Variants in PTP4A1 observed in about 807,000 individuals in gnomAD.
The protein encoded by PTP4A1 is protein tyrosine phosphatase 4A1.
In PTP4A1, 9 loss-of-function variants were observed where a neutral mutation model predicts 20.5. The ratio of observed to expected loss-of-function variants is 0.44; its 90% CI spans 0.26 to 0.77. The LOEUF (loss-of-function observed/expected upper bound fraction) is 0.77, where lower values mean the gene tolerates loss of function less well. Among genes scored for constraint, PTP4A1 ranks in the 30% least tolerant of loss-of-function variants. The pLI is 0.19. For missense variants in PTP4A1, 137 were observed against 218.8 expected, an observed-to-expected ratio of 0.63 and a Z score of 2.36; for synonymous variants, 78 against 67.4, an observed-to-expected ratio of 1.16 and a Z score of -0.77.
Position 63,556,020 on chromosome 6 carries a change from T to C in PTP4A1, c.-446+5527T>C, listed in dbSNP as rs190238186. ...TTAAACTTTAATATTATTCAGCCTT[T>C]CTTTGGTATAACACAATAAAGACAA... On this transcript the variant is annotated intron_variant, in intron 3 of 3. Coordinates refer to the PTP4A1 transcript ENST00000639568. Among the ~76,000 whole-genome samples the C allele has an allele frequency of 6.0e-3, 910 of 152,208 alleles. 10 individuals are homozygous for C. The highest frequency in any genetic ancestry group is 0.026 in the South Asian group (125 of 4,822).
Position 63,549,792 on chromosome 6 carries a change from T to C in PTP4A1, c.-639-508T>C, listed in dbSNP as rs74937771. On this transcript the variant is annotated intron_variant, in intron 2 of 3. Transcript: ENST00000639568. Reference sequence around the variant, plus strand: ...TATAGAAGTAAAAAGTAGAACAGGGTATACTAGAGGCTTGGAAGGGTAGAG... The same window carrying C: ...TATAGAAGTAAAAAGTAGAACAGGGCATACTAGAGGCTTGGAAGGGTAGAG... 8.3e-4 allele frequency among the ~76,000 whole-genome samples: 126 copies of C among 151,692 alleles called. 3 individuals carry two copies. The East Asian group carries it at 0.024, about 28-fold the overall frequency.
intron 1 of PTP4A1, among the ~76,000 whole-genome samples, chr6:63,575,892 A>G (rs965638693): frequency 3.3e-5 from 5 of 152,080 alleles, no homozygotes; most frequent in Non-Finnish European, 7.4e-5. Context: ...AAAAGCATAA[A>G]GTTGGAAAAG....
At chr6:63,565,412 ATCGAT>A (rs1456334482) in intron 3 of PTP4A1, among the ~76,000 whole-genome samples, 1 of 152,154 alleles carries the variant, frequency 6.6e-6, no homozygotes, top group Non-Finnish European at 1.5e-5. Flanking sequence ...CATAATAGAG[ATCGAT>A]TCAAGAGAAT....
chr6:63,576,083 AATTATAT>A (rs1267647581), intron 1 of PTP4A1, among the ~76,000 whole-genome samples: 4 of 150,146 alleles, frequency 2.7e-5, no homozygotes, highest in Non-Finnish European at 5.9e-5. Context: ...AGAATCATAT[AATTATAT>A]ATTATATATA....
At chr6:63,549,843 G>T (rs968257715) in intron 2 of PTP4A1, among the ~76,000 whole-genome samples, 3 of 152,088 alleles carry the variant, frequency 2.0e-5, no homozygotes, top group Non-Finnish European at 4.4e-5. Context: ...GGAGAGATTT[G>T]TTAAAGAATA....
chr6:63,574,070 C>T (rs1018852229), intron 1 of PTP4A1, among the ~76,000 whole-genome samples: 2 of 152,144 alleles, frequency 1.3e-5, no homozygotes, highest in African/African-American at 4.8e-5. Flanking sequence ...GAACTGTTGA[C>T]CTGCCCGACA....
intron 3 of PTP4A1, among the ~76,000 whole-genome samples, chr6:63,562,903 G>A (rs1442919839): frequency 6.6e-6 from 1 of 152,154 alleles, no homozygotes; most frequent in Non-Finnish European, 1.5e-5. Context: ...TTTCATCAGT[G>A]TGCCTATACA....
At chr6:63,579,568 T>G (rs996469936) in intron 5 of PTP4A1, among the ~76,000 whole-genome samples, 1 of 152,248 alleles carries the variant, frequency 6.6e-6, no homozygotes, top group Non-Finnish European at 1.5e-5. Context: ...CTTGATTGAA[T>G]ATGTTGGTTA....
At chr6:63,517,864 C>T (rs1774787220), upstream of PTP4A1, among the ~76,000 whole-genome samples, 1 of 152,028 alleles carries the variant, frequency 6.6e-6, no homozygotes, top group Non-Finnish European at 1.5e-5. Flanking sequence ...CACATAAAAT[C>T]TCAGTAGGGC....
intron 2 of PTP4A1, among the ~76,000 whole-genome samples, chr6:63,541,979 C>T (rs927715386): frequency 6.6e-6 from 1 of 151,218 alleles, no homozygotes; most frequent in African/African-American, 2.4e-5. Context: ...ATAGAATTTC[C>T]TCCATGTTTT....
chr6:63,555,329 T>C (rs2149492380), intron 3 of PTP4A1, among the ~76,000 whole-genome samples: 1 of 152,338 alleles, frequency 6.6e-6, no homozygotes, highest in Non-Finnish European at 1.5e-5. Flanking sequence ...CCCTGGAAAT[T>C]AGAATATTTA....
intron 1 of PTP4A1, among the ~76,000 whole-genome samples, chr6:63,522,862 C>CTTTT (rs559181707): frequency 4.0e-5 from 5 of 126,428 alleles, no homozygotes; most frequent in African/African-American, 5.9e-5. Flanking sequence ...GACTAAATCA[C>CTTTT]TTTTTTTTTT....
intron 3 of PTP4A1, among the ~76,000 whole-genome samples, chr6:63,556,032 C>T (rs1167317170): frequency 6.6e-6 from 1 of 151,966 alleles, no homozygotes; most frequent in Non-Finnish European, 1.5e-5. Flanking sequence ...TTTGGTATAA[C>T]ACAATAAAGA....
At chr6:63,577,049 A>G (rs1777909912) in intron 2 of PTP4A1, 64 bp downstream of exon 2, 2 of 1,313,640 alleles carry the variant, frequency 1.5e-6, no homozygotes, top group East Asian at 2.4e-5. Context: ...CTTATAGCTA[A>G]CAAAATAAAA....
At chr6:63,557,167 T>C (rs140621994) in intron 3 of PTP4A1, among the ~76,000 whole-genome samples, 63 of 152,306 alleles carry the variant, frequency 4.1e-4, no homozygotes, top group African/African-American at 1.5e-3. Context: ...AAAATGATTA[T>C]CATCATGGGA....
chr6:63,583,381 T>G lies in PTP4A1; in HGVS notation c.*3207T>G, dbSNP rs1237500968. On this transcript the variant is annotated 3_prime_UTR_variant, in exon 6 of 6. Transcript: ENST00000626021. ...ATTAAAGACTGGTTTAAAAGTGGTT[T>G]AAAAGTGACATTTAATGTTTCTCCA... 6.6e-6 allele frequency: 1 copy of G among 152,234 alleles called. No individual in the cohort carries two copies. The highest frequency in any genetic ancestry group is 1.5e-5 in the Non-Finnish European group (1 of 68,038). 9.4% of individuals were successfully genotyped at this position (152,234 alleles called of 1,614,324 possible).
At chr6:63,538,486 CTAAG>C (rs1775813314) in intron 2 of PTP4A1, among the ~76,000 whole-genome samples, 1 of 152,110 alleles carries the variant, frequency 6.6e-6, no homozygotes, top group South Asian at 2.1e-4. Context: ...ATTCGAGACA[CTAAG>C]TGATAAAGTT....
chr6:63,540,959 C>A (rs148840238), intron 2 of PTP4A1, among the ~76,000 whole-genome samples: 1 of 148,034 alleles, frequency 6.8e-6, no homozygotes, highest in Non-Finnish European at 1.5e-5. Flanking sequence ...GCCAAGATCA[C>A]GCCAGTGCAC....
rs1161396502 is a variant in PTP4A1 at position 63,534,625 on chromosome 6, T to C, written c.-640+6541T>C. Reference sequence around the variant, plus strand: ...AGCCCAAGAGTTAGCCCAGGCAACGTAGCAAGACACCATGTCTCTAAAAAA... The same window carrying C: ...AGCCCAAGAGTTAGCCCAGGCAACGCAGCAAGACACCATGTCTCTAAAAAA... On this transcript the variant is annotated intron_variant, in intron 2 of 3. Transcript: ENST00000639568. Among the ~76,000 whole-genome samples the C allele has an allele frequency of 3.3e-5, 5 of 151,982 alleles. No individual in the cohort carries two copies. In the South Asian group the frequency reaches 1.0e-3, roughly 32 times the overall value.
Sources: gnomAD v4.1 joint callset for allele counts (sites outside exome capture counted in the v4.1 genomes callset) on GRCh38, gnomAD v4.1.1 for gene constraint, MANE v1.5 for transcripts, NCBI Gene and HGNC (gene_info 2026-07-23, HGNC 2026-07-21) for gene names.